The following AFF3 variants were observed in gnomAD, a reference collection of about 807,000 sequenced individuals.
The protein encoded by AFF3 is ALF transcription elongation factor 3, also known as AF4/FMR2 family member 3.
In AFF3, 32 loss-of-function variants were observed where a neutral mutation model predicts 129.7. The observed-to-expected ratio is 0.25, with a 90% confidence interval of 0.19 to 0.33. AFF3 has a LOEUF of 0.33. Ranked by LOEUF, AFF3 falls within the 10% of genes least tolerant of loss-of-function variation. The pLI is 1.00. For synonymous variants in AFF3, 644 were observed against 635.4 expected, an observed-to-expected ratio of 1.01 and a Z score of -0.20; for missense variants, 1,373 against 1,592.0, an observed-to-expected ratio of 0.86 and a Z score of 2.34.
At chr2:99,948,147 C>T (rs1227344052) in intron 7 of AFF3, among the ~76,000 whole-genome samples, 2 of 152,200 alleles carry the variant, frequency 1.3e-5, no homozygotes, top group South Asian at 2.1e-4. Flanking sequence ...CGCGGGTCTG[C>T]GCTGATGAGA....
At chr2:99,966,331 T>TTA (rs1677744682) in intron 7 of AFF3, among the ~76,000 whole-genome samples, 1 of 152,134 alleles carries the variant, frequency 6.6e-6, no homozygotes, top group South Asian at 2.1e-4. Context: ...GGGTCATTTG[T>TTA]TATTCATGGA....
intron 7 of AFF3, among the ~76,000 whole-genome samples, chr2:99,879,503 C>G (rs960148707): frequency 6.6e-6 from 1 of 152,218 alleles, no homozygotes; most frequent in Non-Finnish European, 1.5e-5. Flanking sequence ...TGAGGTACAG[C>G]AAGCAACCTT....
At chr2:99,820,598 T>C (rs1324760050) in intron 8 of AFF3, among the ~76,000 whole-genome samples, 1 of 150,536 alleles carries the variant, frequency 6.6e-6, no homozygotes, top group Non-Finnish European at 1.5e-5. Context: ...TAAGTTAACC[T>C]TAGCTTGCTG....
At chr2:99,850,432 T>C (rs958757091) in intron 7 of AFF3, among the ~76,000 whole-genome samples, 2 of 152,168 alleles carry the variant, frequency 1.3e-5, no homozygotes, top group Non-Finnish European at 1.5e-5. Context: ...TTAAAGGACA[T>C]TGTTATTAAT....
At chr2:99,792,200 G>T (rs1362959592) in intron 8 of AFF3, among the ~76,000 whole-genome samples, 2 of 152,154 alleles carry the variant, frequency 1.3e-5, no homozygotes, top group Non-Finnish European at 2.9e-5. Flanking sequence ...CAGCATATGT[G>T]AGTCTTTTTC....
chr2:100,087,950 C>A (rs1392904657), intron 4 of AFF3, among the ~76,000 whole-genome samples: 1 of 150,160 alleles, frequency 6.7e-6, no homozygotes. Flanking sequence ...TGTAGAAAAG[C>A]CTTTGACAAA....
intron 8 of AFF3, among the ~76,000 whole-genome samples, chr2:99,791,344 G>A (rs1418155843): frequency 6.6e-6 from 1 of 152,134 alleles, no homozygotes; most frequent in Non-Finnish European, 1.5e-5. Flanking sequence ...ATTCTCCTAT[G>A]TACTTTAATA....
chr2:99,682,601 C>G (rs1415656713), intron 11 of AFF3, among the ~76,000 whole-genome samples: 1 of 152,122 alleles, frequency 6.6e-6, no homozygotes, highest in Non-Finnish European at 1.5e-5. Flanking sequence ...TGGAGAAGTC[C>G]CCACACTTTC....
intron 8 of AFF3, among the ~76,000 whole-genome samples, chr2:99,832,025 G>A (rs907007443): frequency 7.2e-5 from 11 of 152,182 alleles, no homozygotes; most frequent in African/African-American, 2.4e-4. Flanking sequence ...TACATTTGAC[G>A]TACTTGCGTC....
chr2:99,734,331 G>A (rs1369799722), intron 10 of AFF3, among the ~76,000 whole-genome samples: 1 of 151,098 alleles, frequency 6.6e-6, no homozygotes, highest in Admixed American at 6.6e-5. Context: ...AATATAATTT[G>A]AGAAAATGAA....
chr2:99,756,456 T>C (rs1682105154), intron 8 of AFF3, among the ~76,000 whole-genome samples: 4 of 152,254 alleles, frequency 2.6e-5, no homozygotes, highest in Admixed American at 2.6e-4. Flanking sequence ...AGGACAGACC[T>C]GTGGGTGTTC....
At chr2:100,076,290 T>G (rs893649436) in intron 4 of AFF3, among the ~76,000 whole-genome samples, 1 of 152,186 alleles carries the variant, frequency 6.6e-6, no homozygotes, top group Non-Finnish European at 1.5e-5. Flanking sequence ...CTTGAGATAG[T>G]AAGAGTAGGG....
At chr2:99,652,667 A>G (rs1685373324) in intron 12 of AFF3, among the ~76,000 whole-genome samples, 1 of 152,166 alleles carries the variant, frequency 6.6e-6, no homozygotes, top group Admixed American at 6.5e-5. Context: ...TTCATTTGCT[A>G]TGGACCTTGC....
chr2:100,076,969 C>T (rs760360942), intron 4 of AFF3, among the ~76,000 whole-genome samples: 41 of 152,106 alleles, frequency 2.7e-4, no homozygotes, highest in Non-Finnish European at 4.7e-4. Flanking sequence ...TCAGGCCTGG[C>T]CAGGCACAGT....
At chr2:100,027,007 A>G (rs959263775) in intron 4 of AFF3, among the ~76,000 whole-genome samples, 34 of 152,184 alleles carry the variant, frequency 2.2e-4, no homozygotes, top group African/African-American at 6.5e-4. Flanking sequence ...TGAGTACACA[A>G]AATCTCACAA....
intron 13 of AFF3, chr2:99,630,926 A>C: frequency 2.6e-6 from 1 of 383,162 alleles, no homozygotes; most frequent in Non-Finnish European, 5.4e-6. Flanking sequence ...CTTGTAGAAG[A>C]AGTGACGTAG....
intron 7 of AFF3, among the ~76,000 whole-genome samples, chr2:99,902,481 G>A (rs1362469902): frequency 6.6e-6 from 1 of 152,112 alleles, no homozygotes; most frequent in Non-Finnish European, 1.5e-5. Flanking sequence ...CTCAATGCAG[G>A]TGTCCCTCGT....
intron 13 of AFF3, among the ~76,000 whole-genome samples, chr2:99,614,036 G>A (rs568373225): frequency 9.9e-5 from 15 of 152,254 alleles, no homozygotes; most frequent in Non-Finnish European, 1.8e-4. Context: ...GCTTCAGCCC[G>A]GGGCAGGAAC....
At chr2:99,573,674 C>A (rs1676714861) in intron 18 of AFF3, among the ~76,000 whole-genome samples, 1 of 152,224 alleles carries the variant, frequency 6.6e-6, no homozygotes, top group Non-Finnish European at 1.5e-5. Context: ...TTCCTTCCTC[C>A]CGGCCACATT....
Sources: allele counts gnomAD v4.1 joint callset (sites outside exome capture counted in the v4.1 genomes callset), GRCh38; gene constraint gnomAD v4.1.1; transcripts MANE v1.5; gene names NCBI Gene and HGNC (gene_info 2026-07-23, HGNC 2026-07-21).